Variants in ARHGAP32 observed in about 807,000 individuals in gnomAD.
ARHGAP32 encodes rho GTPase-activating protein 32.
A neutral mutation model predicts 186.5 loss-of-function variants in ARHGAP32; 51 were observed. The observed-to-expected ratio is 0.27, with a 90% CI of 0.22 to 0.35. ARHGAP32 has a LOEUF of 0.35. ARHGAP32 is among the 10% of genes least tolerant of loss of function. The pLI is 1.00. For missense variants in ARHGAP32, 2,186 were observed against 2,623.5 expected (o/e 0.83, Z 3.64); for synonymous variants, 950 against 964.3 (o/e 0.99, Z 0.27).
In ARHGAP32 at chr11:128,969,610, G is replaced by T. The variant is rs768793563; in HGVS notation, c.5603C>A (p.Ser1868Tyr). Residue 1868 changes from serine (S) to tyrosine (Y), a missense_variant, in exon 23 of 23, where the codon TCC (serine) becomes TAC (tyrosine). Physicochemically the swap from Ser to Tyr is moderately radical, Grantham distance 144. Coordinates refer to ENST00000682385, the MANE Select transcript of ARHGAP32 (RefSeq NM_001378024.1). The surrounding 1 kb of genome is among the most constrained non-coding windows in gnomAD (Gnocchi z 4.8). ...GHGSTQPEKP[S>Y]LPQKQSSLRS... ...CAGGCTGCTCTGCTTCTGAGGCAGG[G>T]ATGGCTTCTCCGGCTGCGTGCTACC... The T allele has an allele frequency of 1.6e-5, 26 of 1,614,022 alleles. No homozygotes were observed. The highest frequency in any genetic ancestry group is 1.4e-5 in the Non-Finnish European group (16 of 1,180,040).
chr11:129,106,265 A>T (rs1239991216), intron 5 of ARHGAP32, among the ~76,000 whole-genome samples: 1 of 152,214 alleles, frequency 6.6e-6, no homozygotes, highest in Non-Finnish European at 1.5e-5. Flanking sequence ...AAGACATGGA[A>T]TCAACCTAGG....
chr11:129,027,023 C>T (rs540735382), intron 11 of ARHGAP32, among the ~76,000 whole-genome samples: 6 of 150,078 alleles, frequency 4.0e-5, no homozygotes, highest in East Asian at 2.0e-4. Flanking sequence ...CTCTTGAACC[C>T]GGGAGGCGGA....
At position 128,991,458 on chromosome 11, in the gene ARHGAP32, A is replaced by T. The variant is rs1946048538; in HGVS notation, c.1196-3333T>A. ...AAAACTGAAAAACAATGTCAGAAGAAAAAAGAAGAAAAGATCTGTTTTATT... is the reference window on the plus strand; with the variant it reads ...AAAACTGAAAAACAATGTCAGAAGATAAAAGAAGAAAAGATCTGTTTTATT... On this transcript the variant is annotated intron_variant, in intron 12 of 22. Coordinates refer to ENST00000682385, the MANE Select transcript of ARHGAP32 (RefSeq NM_001378024.1). 2.6e-5 allele frequency among the ~76,000 whole-genome samples: 4 copies of T among 152,212 alleles called. No homozygotes were observed. In the South Asian group the frequency reaches 6.2e-4, roughly 24 times the overall value.
At chr11:129,062,624 A>G (rs752784064) in intron 9 of ARHGAP32, among the ~76,000 whole-genome samples, 2 of 152,222 alleles carry the variant, frequency 1.3e-5, no homozygotes, top group Non-Finnish European at 2.9e-5. Context: ...GATTCATAGC[A>G]TAAGATTTTT....
intron 11 of ARHGAP32, among the ~76,000 whole-genome samples, chr11:129,024,925 A>G (rs1938766787): frequency 6.6e-6 from 1 of 152,238 alleles, no homozygotes; most frequent in Non-Finnish European, 1.5e-5. Flanking sequence ...CTGAGATTCA[A>G]TACTTCTACT....
intron 11 of ARHGAP32, among the ~76,000 whole-genome samples, chr11:129,011,078 C>T (rs1938053586): frequency 6.6e-6 from 1 of 152,134 alleles, no homozygotes; most frequent in Non-Finnish European, 1.5e-5. Flanking sequence ...AGACAAGGTC[C>T]TTGCTGTCAC....
chr11:129,178,777 G>T (rs368746629), intron 1 of ARHGAP32, among the ~76,000 whole-genome samples: 194 of 151,114 alleles, frequency 1.3e-3, no homozygotes, highest in Non-Finnish European at 1.7e-3. Flanking sequence ...CCTTACACCT[G>T]ATACAAAAAT....
At chr11:129,145,847 C>T (rs1943158556) in intron 2 of ARHGAP32, among the ~76,000 whole-genome samples, 1 of 152,058 alleles carries the variant, frequency 6.6e-6, no homozygotes, top group African/African-American at 2.4e-5. Context: ...AGAGAAGTCA[C>T]AGAATCTTTA....
At chr11:129,257,705 CAA>C (rs5795663) in intron 1 of ARHGAP32, among the ~76,000 whole-genome samples, 40 of 86,228 alleles carry the variant, frequency 4.6e-4, no homozygotes, top group East Asian at 3.9e-3. Flanking sequence ...AATAATTAAC[CAA>C]AAAAAAAAAA....
At chr11:129,256,173 A>G (rs1006029077) in intron 1 of ARHGAP32, among the ~76,000 whole-genome samples, 1 of 152,164 alleles carries the variant, frequency 6.6e-6, no homozygotes, top group Non-Finnish European at 1.5e-5. Context: ...ACAACCCACA[A>G]GGACAATCAA....
chr11:129,107,067 A>G (rs1942067611), intron 5 of ARHGAP32, among the ~76,000 whole-genome samples: 1 of 152,208 alleles, frequency 6.6e-6, no homozygotes, highest in Admixed American at 6.5e-5. Flanking sequence ...GCAAAAAAGA[A>G]GCAACTGGTC....
chr11:129,062,260 C>T lies in ARHGAP32; in HGVS notation c.963+20G>A, dbSNP rs1297669819. On this transcript the variant is annotated intron_variant, in intron 10 of 22. Coordinates refer to ENST00000682385, the MANE Select transcript of ARHGAP32 (RefSeq NM_001378024.1). ...AAACTTTCCTTTGAATTTTCCCACA[C>T]CTAATTTGCTGCTGCCTACCTGGAA... 1 of 1,610,006 alleles carries T rather than the reference C, an allele frequency of 6.2e-7. No homozygotes were observed. The highest frequency in any genetic ancestry group is 2.2e-5 in the East Asian group (1 of 44,826).
chr11:128,996,572 T>C (rs968906032), intron 12 of ARHGAP32, among the ~76,000 whole-genome samples: 2 of 152,212 alleles, frequency 1.3e-5, no homozygotes, highest in Non-Finnish European at 2.9e-5. Context: ...CATTTGAAGT[T>C]TATATTCAGT....
intron 1 of ARHGAP32, among the ~76,000 whole-genome samples, chr11:129,260,900 T>C (rs1209845000): frequency 1.3e-5 from 2 of 152,154 alleles, no homozygotes; most frequent in Admixed American, 1.3e-4. Context: ...ACCAACTGAA[T>C]CATGATGCTG....
At chr11:129,007,942 C>T (rs1319783637) in intron 11 of ARHGAP32, among the ~76,000 whole-genome samples, 2 of 152,140 alleles carry the variant, frequency 1.3e-5, no homozygotes, top group Non-Finnish European at 2.9e-5. Flanking sequence ...TAAATGGCCC[C>T]TCCATGGGTA....
intron 11 of ARHGAP32, among the ~76,000 whole-genome samples, chr11:129,034,039 C>T (rs1420137968): frequency 2.0e-5 from 3 of 152,150 alleles, no homozygotes; most frequent in Admixed American, 6.5e-5. Context: ...TCTTCTAAAT[C>T]GTCTTTGGTA....
At chr11:129,227,434 C>G (rs1187095436) in intron 1 of ARHGAP32, among the ~76,000 whole-genome samples, 1 of 148,670 alleles carries the variant, frequency 6.7e-6, no homozygotes. Flanking sequence ...ATTAAATGTA[C>G]AAAGACTAAA....
At chr11:129,266,194 A>C (rs1469538466) in intron 1 of ARHGAP32, among the ~76,000 whole-genome samples, 1 of 152,138 alleles carries the variant, frequency 6.6e-6, no homozygotes, top group Non-Finnish European at 1.5e-5. Context: ...ATAAAAACGG[A>C]GTTCTAGTTT....
intron 1 of ARHGAP32, among the ~76,000 whole-genome samples, chr11:129,197,595 C>T (rs1312529959): frequency 1.3e-5 from 2 of 152,036 alleles, no homozygotes; most frequent in Non-Finnish European, 2.9e-5. Context: ...ATAATGTGTG[C>T]TCTGTGTAAT....
Sources: gnomAD v4.1 joint callset for allele counts (sites outside exome capture counted in the v4.1 genomes callset) on GRCh38, gnomAD v4.1.1 for gene constraint, Gnocchi (gnomAD v3.1) non-coding constraint, MANE v1.5 for transcripts, NCBI Gene and HGNC (gene_info 2026-07-23, HGNC 2026-07-21) for gene names.